TBC1D5: variants seen among roughly 807,000 people sequenced by gnomAD.
TBC1D5 encodes TBC1 domain family member 5, also known as TBC1 domain family, member 5.
A neutral mutation model predicts 100.3 loss-of-function variants in TBC1D5; 75 were observed. That is an observed-to-expected ratio of 0.75 (90% CI 0.62 to 0.91). The LOEUF (loss-of-function observed/expected upper bound fraction) is 0.91. Ranked by LOEUF, TBC1D5 falls within the 40% of genes least tolerant of loss-of-function variation. The pLI, the probability that TBC1D5 is intolerant of heterozygous loss-of-function variation, is 0.00. For missense variants in TBC1D5, 910 were observed against 942.4 expected (o/e 0.97, Z 0.45); for synonymous variants, 323 against 325.6 (o/e 0.99, Z 0.09).
intron 19 of TBC1D5, among the ~76,000 whole-genome samples, chr3:17,172,448 G>A (rs1049816528): frequency 1.3e-5 from 2 of 152,168 alleles, no homozygotes; most frequent in East Asian, 1.9e-4. Flanking sequence ...CATTTCCAAC[G>A]TAATACACAA....
At position 17,544,650 on chromosome 3, in the gene TBC1D5, G is replaced by GAAAAAAAAAA. The variant is rs11294217; in HGVS notation, c.-35-36055_-35-36046dup. On this transcript the variant is annotated intron_variant, in intron 2 of 21. Coordinates refer to ENST00000253692, the Ensembl canonical transcript of TBC1D5. ...TGGGCGACAAAGTGAGACTCCGTCT[G>GAAAAAAAAAA]AAAAAAAAAAAAAAAAAGCACCTTA... 1.6e-3 allele frequency among the ~76,000 whole-genome samples: 140 copies of GAAAAAAAAAA among 86,234 alleles called. 3 individuals carry two copies. Among genetic ancestry groups the GAAAAAAAAAA allele is most frequent in the South Asian group, 0.015 (38 of 2,558 alleles). The allele number at this position is 86,234 out of a possible 152,430, so 56.6% of individuals were successfully genotyped here.
intron 1 of TBC1D5, among the ~76,000 whole-genome samples, chr3:17,654,374 GGACATAA>G (rs2065861405): frequency 6.6e-6 from 1 of 152,028 alleles, no homozygotes; most frequent in Admixed American, 6.6e-5. Context: ...GTTTGTGTCT[GGACATAA>G]AGTTCTTAGT....
At chr3:17,582,040 T>C (rs954477527) in intron 2 of TBC1D5, among the ~76,000 whole-genome samples, 1 of 152,218 alleles carries the variant, frequency 6.6e-6, no homozygotes, top group African/African-American at 2.4e-5. Flanking sequence ...ATTTCCATTC[T>C]TCTCCCTATA....
At chr3:17,314,640 T>C (rs897886305) in intron 13 of TBC1D5, among the ~76,000 whole-genome samples, 1 of 152,148 alleles carries the variant, frequency 6.6e-6, no homozygotes. Flanking sequence ...CCCCCCAGTA[T>C]AGTGCTCCTG....
At chr3:17,521,239 A>T (rs1315148676) in intron 2 of TBC1D5, among the ~76,000 whole-genome samples, 2 of 152,152 alleles carry the variant, frequency 1.3e-5, no homozygotes, top group East Asian at 3.9e-4. Flanking sequence ...TTTGAACTGC[A>T]CCGGTCCATG....
chr3:17,259,945 G>A (rs2078117794), intron 15 of TBC1D5, among the ~76,000 whole-genome samples: 2 of 152,084 alleles, frequency 1.3e-5, no homozygotes, highest in African/African-American at 4.8e-5. Context: ...ATTCAACACA[G>A]TTCTACAATA....
intron 2 of TBC1D5, among the ~76,000 whole-genome samples, chr3:17,545,210 A>T (rs546035195): frequency 6.6e-6 from 1 of 152,284 alleles, no homozygotes; most frequent in Non-Finnish European, 1.5e-5. Flanking sequence ...TACAGCAAAA[A>T]CCAAGTTAAA....
intron 4 of TBC1D5, among the ~76,000 whole-genome samples, chr3:17,407,468 C>A (rs1241192273): frequency 6.6e-6 from 1 of 152,086 alleles, no homozygotes; most frequent in East Asian, 1.9e-4. Context: ...AAAGCTGAAA[C>A]CCTGACGGCA....
chr3:17,264,791 A>G (rs2078681357), intron 15 of TBC1D5, among the ~76,000 whole-genome samples: 1 of 152,238 alleles, frequency 6.6e-6, no homozygotes, highest in Admixed American at 6.5e-5. Context: ...AGTTCCCAGC[A>G]CAATACCAGG....
chr3:17,676,984 C>T (rs1247173876), intron 1 of TBC1D5, among the ~76,000 whole-genome samples: 3 of 152,110 alleles, frequency 2.0e-5, no homozygotes, highest in Admixed American at 1.3e-4. Flanking sequence ...TTCCTTACAC[C>T]TTATACAAAA....
intron 16 of TBC1D5, 70 bp downstream of exon 16, chr3:17,258,436 G>A: frequency 6.9e-7 from 1 of 1,447,938 alleles, no homozygotes; most frequent in East Asian, 2.3e-5. Flanking sequence ...TCAGCAATAT[G>A]TAAAATTTCC....
intron 1 of TBC1D5, among the ~76,000 whole-genome samples, chr3:17,650,419 A>T (rs765816818): frequency 2.0e-4 from 30 of 152,208 alleles, no homozygotes; most frequent in Non-Finnish European, 3.4e-4. Context: ...ATGCACATGT[A>T]CATGGACAGG....
rs1190512840 is a variant in TBC1D5, at chr3:17,550,145, C to T, written c.-35-41540G>A. On this transcript the variant is annotated intron_variant, in intron 2 of 21. Transcript: ENST00000253692. ...TCAAAATTGACTAATATTCTGTTTACGTGGATAAATGATACATTGTTATCA... is the reference window on the plus strand; with the variant it reads ...TCAAAATTGACTAATATTCTGTTTATGTGGATAAATGATACATTGTTATCA... 5.3e-5 allele frequency among the ~76,000 whole-genome samples: 8 copies of T among 152,094 alleles called. No individual in the cohort carries two copies. In the East Asian group the frequency reaches 7.7e-4, roughly 15 times the overall value.
chr3:17,654,222 T>C (rs2065845849), intron 1 of TBC1D5, among the ~76,000 whole-genome samples: 1 of 152,186 alleles, frequency 6.6e-6, no homozygotes, highest in Non-Finnish European at 1.5e-5. Context: ...AGTATATTCA[T>C]TTTAGCAATA....
At chr3:17,722,297 AT>A (rs2075772432) in intron 1 of TBC1D5, among the ~76,000 whole-genome samples, 1 of 151,982 alleles carries the variant, frequency 6.6e-6, no homozygotes, top group Admixed American at 6.6e-5. Flanking sequence ...AGTGTTTCAG[AT>A]TTTTTTTCAA....
intron 13 of TBC1D5, among the ~76,000 whole-genome samples, chr3:17,356,889 G>C (rs1460323267): frequency 1.3e-5 from 2 of 152,052 alleles, no homozygotes; most frequent in African/African-American, 4.8e-5. Context: ...AATGACCTAT[G>C]ACTATAGATT....
intron 1 of TBC1D5, among the ~76,000 whole-genome samples, chr3:17,664,137 T>G (rs1449709555): frequency 1.3e-5 from 2 of 152,308 alleles, no homozygotes; most frequent in East Asian, 3.9e-4. Context: ...TGGCATGATC[T>G]CAGCTTGCTG....
intron 13 of TBC1D5, among the ~76,000 whole-genome samples, chr3:17,324,593 T>G (rs534872898): frequency 6.6e-5 from 10 of 151,972 alleles, no homozygotes; most frequent in Non-Finnish European, 1.5e-4. Context: ...GCAGTAAGCC[T>G]AGATTGCACC....
chr3:17,545,247 A>G (rs1337723689), intron 2 of TBC1D5, among the ~76,000 whole-genome samples: 1 of 152,204 alleles, frequency 6.6e-6, no homozygotes, highest in Non-Finnish European at 1.5e-5. Flanking sequence ...ACATAATCCA[A>G]TACAACTTAT....
Sources: gnomAD v4.1 joint callset for allele counts (sites outside exome capture counted in the v4.1 genomes callset) on GRCh38, gnomAD v4.1.1 for gene constraint, MANE v1.5 for transcripts, NCBI Gene and HGNC (gene_info 2026-07-23, HGNC 2026-07-21) for gene names.